BCAS3: variants seen among roughly 807,000 people sequenced by gnomAD.
BCAS3 encodes BCAS4/BCAS3 fusion.
A neutral mutation model predicts 116.1 loss-of-function variants in BCAS3; 53 were observed. That is an observed-to-expected ratio of 0.46 (90% CI 0.37 to 0.57). The LOEUF is 0.57. Among genes scored for constraint, BCAS3 ranks in the 20% least tolerant of loss-of-function variants. The pLI is 0.00. For synonymous variants in BCAS3, 391 were observed against 408.2 expected (o/e 0.96, Z 0.51); for missense variants, 917 against 1,165.4 (o/e 0.79, Z 3.10).
chr17:61,066,428 A>C (rs2070622289), intron 19 of BCAS3, among the ~76,000 whole-genome samples: 1 of 152,186 alleles, frequency 6.6e-6, no homozygotes, highest in Non-Finnish European at 1.5e-5. Context: ...ATGCGTTGGC[A>C]GTTGTTTTTC....
At chr17:60,823,524 A>G (rs921765926) in intron 7 of BCAS3, among the ~76,000 whole-genome samples, 4 of 152,160 alleles carry the variant, frequency 2.6e-5, no homozygotes, top group Non-Finnish European at 5.9e-5. Flanking sequence ...TGATTGTACC[A>G]CCGCGATCTA....
At chr17:61,190,784 G>A (rs1214639896) in intron 22 of BCAS3, among the ~76,000 whole-genome samples, 2 of 152,016 alleles carry the variant, frequency 1.3e-5, no homozygotes, top group East Asian at 3.9e-4. Flanking sequence ...TGTATTTTTA[G>A]TACAGATGGG....
In BCAS3 at chr17:61,356,194, G is replaced by A. The variant is rs183244185; in HGVS notation, c.2426-12133G>A. On this transcript the variant is annotated intron_variant, in intron 22 of 23. Transcript: ENST00000407086. The surrounding 1 kb of genome is among the most constrained non-coding windows in gnomAD (Gnocchi z 5.4). Reference sequence around the variant, plus strand: ...ATTTTTGTAGAGACGGGGTTTCACCGTGTTGGCCAGGCTGGTCTCGAACTC... The same window carrying A: ...ATTTTTGTAGAGACGGGGTTTCACCATGTTGGCCAGGCTGGTCTCGAACTC... Among the ~76,000 whole-genome samples, 33 of 151,558 alleles carry A rather than the reference G, an allele frequency of 2.2e-4. No homozygotes were observed. The highest frequency in any genetic ancestry group is 8.0e-4 in the African/African-American group (33 of 41,314).
chr17:61,083,944 C>T lies in BCAS3; in HGVS notation c.2328-523C>T, dbSNP rs553941617. On this transcript the variant is annotated intron_variant, in intron 21 of 23. Coordinates refer to ENST00000407086, the MANE Select transcript of BCAS3 (RefSeq NM_017679.5). This position sits in a 1 kb window ranked among gnomAD's most constrained non-coding sequence, Gnocchi z 4.9. The stretch of plus-strand genomic sequence containing the variant: ...AGTTAGTAGTGACCCACCCCGGCCA[C>T]AGTACATCTTTGTTATCCTATGCTT... Among the ~76,000 whole-genome samples the T allele has an allele frequency of 6.6e-6, 1 of 152,248 alleles. No homozygotes were observed. Among genetic ancestry groups the T allele is most frequent in the East Asian group, 1.9e-4 (1 of 5,192 alleles).
chr17:61,155,966 C>T (rs1003685862), intron 22 of BCAS3, among the ~76,000 whole-genome samples: 1 of 152,014 alleles, frequency 6.6e-6, no homozygotes. Flanking sequence ...TATTTTTAAG[C>T]TCTAAGTTAT....
chr17:60,803,948 T>C (rs546984974), intron 6 of BCAS3, among the ~76,000 whole-genome samples: 1 of 151,068 alleles, frequency 6.6e-6, no homozygotes, highest in East Asian at 2.0e-4. Context: ...ATTACAGGCA[T>C]GCACCACCAC....
intron 22 of BCAS3, among the ~76,000 whole-genome samples, chr17:61,138,968 A>C (rs1311341429): frequency 6.6e-6 from 1 of 152,220 alleles, no homozygotes; most frequent in Non-Finnish European, 1.5e-5. Context: ...TTTTATTTCA[A>C]ATGCTATCCT....
intron 22 of BCAS3, among the ~76,000 whole-genome samples, chr17:61,246,790 A>AGTGTGTGT (rs2047994428): frequency 1.1e-5 from 1 of 88,300 alleles, no homozygotes; most frequent in Admixed American, 1.4e-4. Flanking sequence ...CCTTTGAGTG[A>AGTGTGTGT]GAGTGTGTGT....
At chr17:61,103,520 A>G (rs1357025270) in intron 22 of BCAS3, among the ~76,000 whole-genome samples, 1 of 152,180 alleles carries the variant, frequency 6.6e-6, no homozygotes, top group Non-Finnish European at 1.5e-5. Flanking sequence ...TGCTGCCCAA[A>G]TGGATTTAAC....
rs528260742 is a variant in BCAS3, at chr17:61,267,258, C to T, written c.2426-101069C>T. 2.3e-3 allele frequency among the ~76,000 whole-genome samples: 345 copies of T among 149,650 alleles called. 1 individual carries two copies. Among genetic ancestry groups the T allele is most frequent in the Non-Finnish European group, 4.2e-3 (283 of 67,262 alleles). The stretch of plus-strand genomic sequence containing the variant: ...ATTTTTAGTAGAGACGAGGTTTCAC[C>T]GTGTTAGCCAGGATGGTCTCGATCT... On this transcript the variant is annotated intron_variant, in intron 22 of 23. Transcript: ENST00000407086.
intron 22 of BCAS3, among the ~76,000 whole-genome samples, chr17:61,172,707 T>C (rs957634567): frequency 1.1e-4 from 17 of 147,864 alleles, no homozygotes; most frequent in South Asian, 2.2e-4. Flanking sequence ...AAGGATTGGC[T>C]GGGCGCGGTG....
intron 14 of BCAS3, among the ~76,000 whole-genome samples, chr17:60,952,518 CTATGTTGGT>C (rs2060900296): frequency 6.6e-6 from 1 of 151,994 alleles, no homozygotes; most frequent in African/African-American, 2.4e-5. Context: ...CGGGGTTTCA[CTATGTTGGT>C]CAGGCTGGCC....
chr17:61,357,245 AAAATAAAT>A (rs142837090), intron 22 of BCAS3, among the ~76,000 whole-genome samples: 29 of 139,648 alleles, frequency 2.1e-4, no homozygotes, highest in Non-Finnish European at 2.8e-4. Context: ...ATATCTACAA[AAAATAAAT>A]AAATAAATAA....
chr17:60,866,884 CATTTT>C (rs746923747), intron 7 of BCAS3, among the ~76,000 whole-genome samples: 5 of 152,008 alleles, frequency 3.3e-5, no homozygotes, highest in Admixed American at 6.5e-5. Context: ...TTTGCTTACT[CATTTT>C]ATTTTAAGAA....
At position 60,780,065 on chromosome 17, in the gene BCAS3, C is replaced by T. The variant is rs540428953; in HGVS notation, c.404-27939C>T. ...AGTGCAGTGGCGCCATCTCGGCTCA[C>T]TGCAAGCTCCGCCTCCTGGATTCAA... On this transcript the variant is annotated intron_variant, in intron 6 of 23. Coordinates refer to ENST00000407086, the MANE Select transcript of BCAS3 (RefSeq NM_017679.5). 5.9e-5 allele frequency among the ~76,000 whole-genome samples: 9 copies of T among 151,770 alleles called. No homozygotes were observed. In the East Asian group the frequency reaches 1.4e-3, roughly 23 times the overall value.
chr17:60,923,282 A>G (rs1473544050), intron 12 of BCAS3, among the ~76,000 whole-genome samples: 5 of 152,332 alleles, frequency 3.3e-5, no homozygotes, highest in Admixed American at 2.0e-4. Flanking sequence ...ATGATATTGT[A>G]TAGCATGATT....
chr17:61,371,787 C>G (rs2059060432), intron 23 of BCAS3, among the ~76,000 whole-genome samples: 1 of 152,196 alleles, frequency 6.6e-6, no homozygotes, highest in Non-Finnish European at 1.5e-5. Flanking sequence ...GTGAGAAATG[C>G]AAAGCCTCAG....
intron 14 of BCAS3, among the ~76,000 whole-genome samples, chr17:60,978,012 T>C (rs1208021569): frequency 7.2e-6 from 1 of 139,838 alleles, no homozygotes; most frequent in Non-Finnish European, 1.5e-5. Flanking sequence ...TTTGGGTATA[T>C]ACCCAGTAAT....
At chr17:61,117,697 GT>G (rs1212621393) in intron 22 of BCAS3, among the ~76,000 whole-genome samples, 1 of 152,196 alleles carries the variant, frequency 6.6e-6, no homozygotes, top group African/African-American at 2.4e-5. Flanking sequence ...AGGCTTTGGG[GT>G]TTTTTAGAGC....
Sources: allele counts gnomAD v4.1 joint callset (sites outside exome capture counted in the v4.1 genomes callset), GRCh38; gene constraint gnomAD v4.1.1; non-coding constraint Gnocchi (gnomAD v3.1); transcripts MANE v1.5; gene names NCBI Gene and HGNC (gene_info 2026-07-23, HGNC 2026-07-21).